The following ZNF710 variants were observed in gnomAD, a reference collection of about 807,000 sequenced individuals.
The protein encoded by ZNF710 is zinc finger protein 710.
ZNF710 carries 13 observed loss-of-function variants against 50.6 expected under a neutral mutation model. The observed-to-expected ratio is 0.26, with a 90% confidence interval of 0.17 to 0.41. The LOEUF is 0.41. Ranked by LOEUF, ZNF710 falls within the 10% of genes least tolerant of loss-of-function variation. ZNF710 has a pLI of 1.00. For missense variants in ZNF710, 721 were observed against 936.6 expected, an observed-to-expected ratio of 0.77 and a Z score of 3.01; for synonymous variants, 383 against 397.0, an observed-to-expected ratio of 0.96 and a Z score of 0.42.
intron 1 of ZNF710, among the ~76,000 whole-genome samples, chr15:90,063,944 G>A (rs1034493638): frequency 1.3e-5 from 2 of 152,162 alleles, no homozygotes; most frequent in Non-Finnish European, 2.9e-5. Flanking sequence ...CCCCCCCATA[G>A]AGATGAGAAT....
intron 1 of ZNF710, among the ~76,000 whole-genome samples, chr15:90,038,134 G>A (rs1213127471): frequency 2.6e-5 from 4 of 152,186 alleles, no homozygotes; most frequent in Admixed American, 6.5e-5. Flanking sequence ...CCCAGTGTAC[G>A]GTCCAAATAT....
At chr15:90,002,206 T>G (rs1339955744) in intron 1 of ZNF710, among the ~76,000 whole-genome samples, 7 of 150,490 alleles carry the variant, frequency 4.7e-5, no homozygotes, top group South Asian at 2.1e-4. Flanking sequence ...CGGGTGGGGT[T>G]GTTGCGCGTC....
rs1175141097 is a variant in ZNF710, at chr15:90,081,474, C to T, written c.*1645C>T. 6.6e-6 allele frequency: 1 copy of T among 152,208 alleles called. No individual in the cohort carries two copies. Among genetic ancestry groups the T allele is most frequent in the East Asian group, 1.9e-4 (1 of 5,180 alleles). The allele number at this position is 152,208 out of a possible 1,614,324, so 9.4% of individuals were successfully genotyped here. A position where few individuals can be genotyped will look rare whatever the true frequency, so the allele number is the denominator to read the frequency against. ...AGGAACCAATCTGCAGCGCAGCCACCCCCAAGGCTGGATCCTTAAGTGAAG... is the reference window on the plus strand; with the variant it reads ...AGGAACCAATCTGCAGCGCAGCCACTCCCAAGGCTGGATCCTTAAGTGAAG... On this transcript the variant is annotated 3_prime_UTR_variant, in exon 5 of 5. Transcript: ENST00000268154.
chr15:90,054,042 CTTTTT>C (rs1034377931), intron 1 of ZNF710, among the ~76,000 whole-genome samples: 6 of 152,046 alleles, frequency 3.9e-5, no homozygotes. Context: ...TCCTTCTTTT[CTTTTT>C]TATTTTTAAG....
chr15:90,065,114 C>G (rs1436435949), intron 1 of ZNF710, among the ~76,000 whole-genome samples: 1 of 152,194 alleles, frequency 6.6e-6, no homozygotes, highest in Non-Finnish European at 1.5e-5. Context: ...ATCCCTTCCA[C>G]GAGAGCCTCA....
At chr15:90,006,807 A>G (rs978952903) in intron 1 of ZNF710, 1 of 154,820 alleles carries the variant, frequency 6.5e-6, no homozygotes, top group African/African-American at 2.4e-5. Context: ...CAGCAAACCT[A>G]CTGGATCTGC....
At chr15:90,071,401 A>AT (rs1333194843) in intron 2 of ZNF710, among the ~76,000 whole-genome samples, 1 of 152,164 alleles carries the variant, frequency 6.6e-6, no homozygotes, top group African/African-American at 2.4e-5. Flanking sequence ...ATGTGTTTAT[A>AT]AAAGAAACTC....
intron 1 of ZNF710, among the ~76,000 whole-genome samples, chr15:90,012,523 G>A (rs1032764849): frequency 1.3e-5 from 2 of 151,984 alleles, no homozygotes; most frequent in African/African-American, 4.8e-5. Flanking sequence ...ACCCGCCTCG[G>A]CCTCCCAAAG....
chr15:90,042,198 C>G (rs910443890), intron 1 of ZNF710, among the ~76,000 whole-genome samples: 1 of 152,088 alleles, frequency 6.6e-6, no homozygotes, highest in Non-Finnish European at 1.5e-5. Context: ...TGCCCGGCCC[C>G]TGTGCCTCTT....
chr15:90,071,094 C>A (rs907206667), intron 2 of ZNF710, among the ~76,000 whole-genome samples: 3 of 152,062 alleles, frequency 2.0e-5, no homozygotes. Flanking sequence ...AGCCCCGTCT[C>A]TACTAAAAAT....
intron 1 of ZNF710, among the ~76,000 whole-genome samples, chr15:90,017,827 T>C (rs964598997): frequency 6.6e-6 from 1 of 152,180 alleles, no homozygotes; most frequent in Admixed American, 6.5e-5. Context: ...TGAAATAGAC[T>C]TTAAAGCTTT....
intron 1 of ZNF710, among the ~76,000 whole-genome samples, chr15:90,014,197 T>TCTACTTCAAGTCAAG (rs1401171930): frequency 6.6e-6 from 1 of 152,088 alleles, no homozygotes; most frequent in Non-Finnish European, 1.5e-5. Flanking sequence ...TCTCTACTTG[T>TCTACTTCAAGTCAAG]TCTAAGACAC....
intron 2 of ZNF710, among the ~76,000 whole-genome samples, chr15:90,070,580 G>A (rs1284126242): frequency 6.6e-6 from 1 of 151,866 alleles, no homozygotes; most frequent in Non-Finnish European, 1.5e-5. Flanking sequence ...CCAGGAGGCA[G>A]AGATTCCAGT....
Position 90,067,578 on chromosome 15 carries a change from C to T in ZNF710, c.441C>T (p.Cys147=), listed in dbSNP as rs201986890. 1,326 of 1,609,652 alleles carry T rather than the reference C, an allele frequency of 8.2e-4. 2 individuals are homozygous for T. The highest frequency in any genetic ancestry group is 2.3e-3 in the Middle Eastern group (14 of 6,052). The change falls in exon 2 of 5, where the codon TGC becomes TGT. Residue 147 remains cysteine (C), a synonymous_variant. Transcript: ENST00000268154. The surrounding 1 kb of genome is among the most constrained non-coding windows in gnomAD (Gnocchi z 8.1). Reference sequence around the variant, plus strand: ...CCGCCGAGGCGGCCAGTGGCGGCTGCGACGCCCTGGTGCAGAGCAGCGCCG... The same window carrying T: ...CCGCCGAGGCGGCCAGTGGCGGCTGTGACGCCCTGGTGCAGAGCAGCGCCG... ...EAPAEAASGG[C]DALVQSSAVK...
rs1463966995 is a variant in ZNF710, at chr15:90,059,095, G to A, written c.-28-8015G>A. Among the ~76,000 whole-genome samples, 1 of 152,222 alleles carries A rather than the reference G, an allele frequency of 6.6e-6. No homozygotes were observed. Among genetic ancestry groups the A allele is most frequent in the Non-Finnish European group, 1.5e-5 (1 of 68,042 alleles). On this transcript the variant is annotated intron_variant, in intron 1 of 4. Transcript: ENST00000268154. This position sits in a 1 kb window ranked among gnomAD's most constrained non-coding sequence, Gnocchi z 4.1. ...TTTACCACGACAGTGATGGTCTCAG[G>A]CTGAGAGAGGGTCCTCATCCTGTCC...
At chr15:90,045,530 C>T (rs1365976840) in intron 1 of ZNF710, among the ~76,000 whole-genome samples, 2 of 152,078 alleles carry the variant, frequency 1.3e-5, no homozygotes, top group Admixed American at 6.5e-5. Flanking sequence ...GCCCAGGGGC[C>T]GCTGGGATGC....
At chr15:90,023,139 C>T (rs538970991) in intron 1 of ZNF710, among the ~76,000 whole-genome samples, 2 of 152,160 alleles carry the variant, frequency 1.3e-5, no homozygotes, top group East Asian at 1.9e-4. Context: ...CCCAAGGCCT[C>T]GCACCTATAA....
chr15:90,032,420 G>C (rs756018286), intron 1 of ZNF710, among the ~76,000 whole-genome samples: 3 of 152,182 alleles, frequency 2.0e-5, no homozygotes, highest in Non-Finnish European at 4.4e-5. Flanking sequence ...ATTTTTAAGA[G>C]AGAGGAGAGG....
rs950681848 is a variant in ZNF710 at position 90,059,618 on chromosome 15, G to A, written c.-28-7492G>A. ...AGGATCGCAGGAGGAAGAGACTCTC[G>A]AACTTCCCCTGCCCCTCCCCCGTGC... On this transcript the variant is annotated intron_variant, in intron 1 of 4. Coordinates refer to ENST00000268154, the MANE Select transcript of ZNF710 (RefSeq NM_198526.4). This position sits in a 1 kb window ranked among gnomAD's most constrained non-coding sequence, Gnocchi z 4.1. 1.3e-5 allele frequency among the ~76,000 whole-genome samples: 2 copies of A among 152,036 alleles called. No individual in the cohort carries two copies. Among genetic ancestry groups the A allele is most frequent in the Admixed American group, 6.5e-5 (1 of 15,268 alleles).
Sources: allele counts gnomAD v4.1 joint callset (sites outside exome capture counted in the v4.1 genomes callset), GRCh38; gene constraint gnomAD v4.1.1; non-coding constraint Gnocchi (gnomAD v3.1); transcripts MANE v1.5; gene names NCBI Gene and HGNC (gene_info 2026-07-23, HGNC 2026-07-21).